INTU: variants seen among roughly 807,000 people sequenced by gnomAD.
INTU encodes inturned planar cell polarity protein, also known as protein inturned.
INTU carries 68 observed loss-of-function variants against 100.5 expected under a neutral mutation model. The observed-to-expected ratio is 0.68, with a 90% CI of 0.56 to 0.83. The LOEUF is 0.83. INTU is among the 40% of genes least tolerant of loss of function. The probability of loss-of-function intolerance (pLI) is 0.00; values close to 1 mark genes in which losing one functional copy is unlikely to be tolerated. For synonymous variants in INTU, 357 were observed against 395.7 expected (o/e 0.90, Z 1.16); for missense variants, 1,071 against 1,114.7 (o/e 0.96, Z 0.56).
chr4:127,710,784 C>T, intron 13 of INTU, 129 bp from the exon 14 acceptor site: 1 of 482,058 alleles, frequency 2.1e-6, no homozygotes, highest in Non-Finnish European at 3.4e-6. Context: ...TTTCCCTTCC[C>T]TAATTATACT....
intron 13 of INTU, 124 bp downstream of exon 13, chr4:127,708,792 A>G (rs932483022): frequency 3.6e-6 from 2 of 550,278 alleles, no homozygotes; most frequent in South Asian, 5.2e-5. Flanking sequence ...ATTAAAGGTA[A>G]TATCTGTGGT....
At chr4:127,710,377 T>C (rs751154909) in intron 13 of INTU, among the ~76,000 whole-genome samples, 6 of 152,018 alleles carry the variant, frequency 3.9e-5, no homozygotes, top group Non-Finnish European at 8.8e-5. Flanking sequence ...ATATAAAACA[T>C]TTCATTCAGT....
At chr4:127,646,014 G>A (rs1727567798) in intron 2 of INTU, among the ~76,000 whole-genome samples, 1 of 151,724 alleles carries the variant, frequency 6.6e-6, no homozygotes, top group African/African-American at 2.4e-5. Context: ...AAGACCCCGT[G>A]TCTACTAAAA....
intron 4 of INTU, among the ~76,000 whole-genome samples, chr4:127,666,165 A>G (rs904493271): frequency 1.3e-5 from 2 of 152,138 alleles, no homozygotes; most frequent in Admixed American, 6.6e-5. Context: ...GTTTCTGAAT[A>G]GTGCTTAATC....
chr4:127,700,579 C>T (rs1281750809), intron 9 of INTU, among the ~76,000 whole-genome samples: 1 of 152,080 alleles, frequency 6.6e-6, no homozygotes, highest in Non-Finnish European at 1.5e-5. Flanking sequence ...GCTGAAAATG[C>T]ACAAGATAAG....
At chr4:127,649,566 A>G (rs980237253) in intron 2 of INTU, among the ~76,000 whole-genome samples, 1 of 151,948 alleles carries the variant, frequency 6.6e-6, no homozygotes, top group African/African-American at 2.4e-5. Context: ...AAATCTGACA[A>G]TCCTAAATCC....
Position 127,646,646 on chromosome 4 carries a change from T to G in INTU, c.682+2590T>G, listed in dbSNP as rs540749499. Among the ~76,000 whole-genome samples, 6 of 152,330 alleles carry G rather than the reference T, an allele frequency of 3.9e-5. No individual in the cohort carries two copies. In the South Asian group the frequency reaches 1.2e-3, roughly 32 times the overall value. ...AGCTCCCCCTCACCTCTGGTAACCT[T>G]GACATATGGTTTAGACAGGAAAGGC... On this transcript the variant is annotated intron_variant, in intron 2 of 15. Coordinates refer to ENST00000335251, the MANE Select transcript of INTU (RefSeq NM_015693.4).
rs146125680 is a variant in INTU at position 127,707,992 on chromosome 4, A to G, written c.2272-579A>G. Among the ~76,000 whole-genome samples the G allele has an allele frequency of 2.7e-3, 413 of 152,292 alleles. 7 individuals are homozygous for G. Among genetic ancestry groups the G allele is most frequent in the East Asian group, 0.01 (54 of 5,186 alleles). On this transcript the variant is annotated intron_variant, in intron 12 of 15. Transcript: ENST00000335251. The stretch of plus-strand genomic sequence containing the variant: ...AGCATGGCATAAATAACCAGATGCA[A>G]TCTCCTCATACCAAACAATAGAATA...
chr4:127,706,541 A>C lies in INTU; in HGVS notation c.1843A>C (p.Ile615Leu). ...AGCTGGAGGTTGCGCATCCAAAGCT[A>C]TTGGGAGTCCTGGACCAGACTGTGT... The part of the protein sequence containing the change: ...LEAGGCASKA[I>L]GSPGPDCVYV... The change falls in exon 12 of 16, where the codon ATT becomes CTT. Residue 615 changes from isoleucine to leucine, a missense_variant. Coordinates refer to ENST00000335251, the MANE Select transcript of INTU (RefSeq NM_015693.4). The C allele has an allele frequency of 1.9e-6, 3 of 1,613,908 alleles. No homozygotes were observed. Among genetic ancestry groups the C allele is most frequent in the Non-Finnish European group, 1.7e-6 (2 of 1,179,864 alleles).
chr4:127,656,512 T>C, intron 2 of INTU, 124 bp from the exon 3 acceptor site: 1 of 639,066 alleles, frequency 1.6e-6, no homozygotes, highest in Non-Finnish European at 2.8e-6. Context: ...AGTTCCTGCT[T>C]GTCTGCACCA....
chr4:127,686,760 A>G (rs1157460960), intron 7 of INTU: 2 of 152,214 alleles, frequency 1.3e-5, no homozygotes, highest in African/African-American at 4.8e-5. Flanking sequence ...CCATTAGAAC[A>G]TAAGCTTCAT....
chr4:127,670,782 A>G (rs1167176904), intron 5 of INTU, among the ~76,000 whole-genome samples: 3 of 152,242 alleles, frequency 2.0e-5, no homozygotes. Context: ...TCAATGGAAC[A>G]GAACAGAGAA....
At chr4:127,703,302 GA>G (rs1027095700) in intron 9 of INTU, among the ~76,000 whole-genome samples, 21 of 151,790 alleles carry the variant, frequency 1.4e-4, no homozygotes, top group Non-Finnish European at 8.8e-5. Context: ...TTTTTAAAAA[GA>G]AAAAAAACTT....
chr4:127,650,380 C>T (rs1375329287), intron 2 of INTU, among the ~76,000 whole-genome samples: 2 of 127,586 alleles, frequency 1.6e-5, no homozygotes, highest in African/African-American at 3.0e-5. Context: ...CCCCTCCCCC[C>T]ACCCCACCAC....
chr4:127,642,819 T>C (rs1478770956), intron 1 of INTU, among the ~76,000 whole-genome samples: 1 of 152,134 alleles, frequency 6.6e-6, no homozygotes, highest in African/African-American at 2.4e-5. Flanking sequence ...AAATATTTTT[T>C]ATAATCACGA....
chr4:127,660,165 T>C (rs1340807784), intron 3 of INTU, among the ~76,000 whole-genome samples: 11 of 152,102 alleles, frequency 7.2e-5, no homozygotes, highest in Non-Finnish European at 1.5e-4. Flanking sequence ...GGCCTGAGCC[T>C]TTATTGACCG....
intron 11 of INTU, 142 bp from the exon 12 acceptor site, chr4:127,706,345 A>G: frequency 1.5e-6 from 1 of 688,554 alleles, no homozygotes; most frequent in Non-Finnish European, 2.3e-6. Context: ...AAAAGGAAAG[A>G]TGACGGAGGA....
At position 127,674,195 on chromosome 4, in the gene INTU, T is replaced by C. The variant is rs748417096; in HGVS notation, c.1163T>C (p.Ile388Thr). Residue 388 changes from isoleucine (I) to threonine (T), a missense_variant, in exon 6 of 16, where the codon ATT (isoleucine) becomes ACT (threonine). Physicochemically the swap from Ile to Thr is moderately conservative, Grantham distance 89. Coordinates refer to ENST00000335251, the MANE Select transcript of INTU (RefSeq NM_015693.4). ...YWKESDKLLL[I>T]GLPAEEVPLP... ...AAAGAATCTGACAAGTTGTTGCTAATTGGCCTGCCTGCTGAAGAGTAAGTT... is the reference window on the plus strand; with the variant it reads ...AAAGAATCTGACAAGTTGTTGCTAACTGGCCTGCCTGCTGAAGAGTAAGTT... The C allele has an allele frequency of 9.9e-6, 16 of 1,611,730 alleles. No homozygotes were observed. The highest frequency in any genetic ancestry group is 7.8e-5 in the South Asian group (7 of 90,314).
chr4:127,699,926 A>T, intron 8 of INTU, 84 bp from the exon 9 acceptor site: 1 of 902,780 alleles, frequency 1.1e-6, no homozygotes, highest in Non-Finnish European at 1.7e-6. Flanking sequence ...AGTAGTAATT[A>T]AGCACTTTTT....
Sources: gnomAD v4.1 joint callset for allele counts (sites outside exome capture counted in the v4.1 genomes callset) on GRCh38, gnomAD v4.1.1 for gene constraint, MANE v1.5 for transcripts, NCBI Gene and HGNC (gene_info 2026-07-23, HGNC 2026-07-21) for gene names.